Variants in MTMR9 observed in about 807,000 individuals in gnomAD.
MTMR9 encodes the protein myotubularin-related protein 9.
A neutral mutation model predicts 69.5 loss-of-function variants in MTMR9; 39 were observed. That is an observed-to-expected ratio of 0.56 (90% CI 0.43 to 0.73). The LOEUF (loss-of-function observed/expected upper bound fraction) is 0.73. Ranked by LOEUF, MTMR9 falls within the 30% of genes least tolerant of loss-of-function variation. The pLI, the probability that MTMR9 is intolerant of heterozygous loss-of-function variation, is 0.00. For missense variants in MTMR9, 900 were observed against 671.2 expected (o/e 1.34, Z -3.77); for synonymous variants, 354 against 240.8 (o/e 1.47, Z -4.35).
intron 2 of MTMR9, among the ~76,000 whole-genome samples, chr8:11,296,745 G>A (rs1178032386): frequency 1.3e-5 from 2 of 152,090 alleles, no homozygotes; most frequent in Non-Finnish European, 2.9e-5. Context: ...CATTGTTATG[G>A]ATGCATGTGG....
intron 1 of MTMR9, among the ~76,000 whole-genome samples, chr8:11,286,243 C>T (rs1457280961): frequency 6.6e-6 from 1 of 151,580 alleles, no homozygotes; most frequent in Non-Finnish European, 1.5e-5. Context: ...TGAGCCACTG[C>T]GCCTGGCCTA....
At chr8:11,288,974 A>G (rs1799286065) in intron 1 of MTMR9, among the ~76,000 whole-genome samples, 1 of 152,122 alleles carries the variant, frequency 6.6e-6, no homozygotes, top group African/African-American at 2.4e-5. Context: ...GGAGTTCGAC[A>G]CAGCCTGGCC....
intron 1 of MTMR9, among the ~76,000 whole-genome samples, chr8:11,286,931 G>C (rs1176277220): frequency 6.6e-6 from 1 of 152,008 alleles, no homozygotes; most frequent in African/African-American, 2.4e-5. Context: ...GGAATGCCTT[G>C]CCTCTCCCAA....
At chr8:11,298,338 T>G (rs2117380649) in intron 2 of MTMR9, among the ~76,000 whole-genome samples, 1 of 152,232 alleles carries the variant, frequency 6.6e-6, no homozygotes, top group Admixed American at 6.5e-5. Flanking sequence ...GTTCTGCTTC[T>G]GTTTGGTGTG....
At chr8:11,290,150 G>A (rs915626152) in intron 1 of MTMR9, among the ~76,000 whole-genome samples, 1 of 152,214 alleles carries the variant, frequency 6.6e-6, no homozygotes, top group South Asian at 2.1e-4. Context: ...TTTCCAGTCT[G>A]AAGATTGTGA....
intron 1 of MTMR9, among the ~76,000 whole-genome samples, chr8:11,289,180 A>G (rs1483706836): frequency 1.3e-5 from 2 of 152,144 alleles, no homozygotes; most frequent in Non-Finnish European, 2.9e-5. Context: ...CTCAAAACAA[A>G]CAAACAAACA....
rs1290975215 is a variant in MTMR9 at position 11,325,325 on chromosome 8, A to G, written c.*2537A>G. ...TGAAGTTCGTGCTTACCTGGATGAG[A>G]AGAATAAATGACACGGATACACTCC... On this transcript the variant is annotated 3_prime_UTR_variant, in exon 10 of 10. Coordinates refer to ENST00000221086, the MANE Select transcript of MTMR9 (RefSeq NM_015458.4). 1 of 152,230 alleles carries G rather than the reference A, an allele frequency of 6.6e-6. No individual in the cohort carries two copies. Among genetic ancestry groups the G allele is most frequent in the Non-Finnish European group, 1.5e-5 (1 of 68,038 alleles). The allele number at this position is 152,230 out of a possible 1,614,324, so 9.4% of individuals were successfully genotyped here.
intron 4 of MTMR9, 91 bp downstream of exon 4, chr8:11,305,105 A>T: frequency 8.1e-7 from 1 of 1,242,198 alleles, no homozygotes; most frequent in South Asian, 1.5e-5. Flanking sequence ...CTGTCTGTTC[A>T]CTGAAATGAT....
At chr8:11,296,971 G>C (rs1408396691) in intron 2 of MTMR9, among the ~76,000 whole-genome samples, 1 of 152,068 alleles carries the variant, frequency 6.6e-6, no homozygotes, top group African/African-American at 2.4e-5. Flanking sequence ...AGCTCATACT[G>C]TTTTCTTTCC....
chr8:11,285,164 C>G, intron 1 of MTMR9, 94 bp downstream of exon 1: 1 of 1,286,104 alleles, frequency 7.8e-7, no homozygotes, highest in Non-Finnish European at 1.0e-6. Context: ...CGCAGCCTGC[C>G]GCCCAGCTAG....
chr8:11,287,303 T>C (rs564437276), intron 1 of MTMR9, among the ~76,000 whole-genome samples: 2 of 152,216 alleles, frequency 1.3e-5, no homozygotes, highest in African/African-American at 4.8e-5. Flanking sequence ...ATTTACCTTT[T>C]ATGGTGGTTA....
chr8:11,331,932 A>G (rs55792656), downstream of MTMR9: 1 of 1,612,000 alleles, frequency 6.2e-7, no homozygotes, highest in South Asian at 1.1e-5. Context: ...TGCGGTCACC[A>G]AGGCCCACCC....
chr8:11,305,641 C>T (rs1799910629), intron 4 of MTMR9, among the ~76,000 whole-genome samples: 1 of 152,126 alleles, frequency 6.6e-6, no homozygotes, highest in South Asian at 2.1e-4. Flanking sequence ...TTTTTAGAAA[C>T]AAGTAGTTAA....
intron 5 of MTMR9, among the ~76,000 whole-genome samples, chr8:11,308,247 T>C (rs2117416124): frequency 6.6e-6 from 1 of 152,356 alleles, no homozygotes; most frequent in Middle Eastern, 3.4e-3. Flanking sequence ...TTGAGTTTCT[T>C]CTGCATGTGC....
intron 1 of MTMR9, among the ~76,000 whole-genome samples, chr8:11,285,539 TCA>T (rs1470190015): frequency 6.6e-6 from 1 of 152,198 alleles, no homozygotes; most frequent in Non-Finnish European, 1.5e-5. Flanking sequence ...TGAAAAATGT[TCA>T]GTGTATCATA....
the MTMR9 span, among the ~76,000 whole-genome samples, chr8:11,338,576 T>C: frequency 6.6e-6 from 1 of 152,206 alleles, no homozygotes. Flanking sequence ...GGGAACCTTT[T>C]CCACAGCGAT....
the MTMR9 span, among the ~76,000 whole-genome samples, chr8:11,333,979 T>A: frequency 6.6e-6 from 1 of 152,228 alleles, no homozygotes. Flanking sequence ...TTAGTTATCA[T>A]GGAAGTGGGT....
At chr8:11,298,866 T>A in intron 2 of MTMR9, 1 of 985,304 alleles carries the variant, frequency 1.0e-6, no homozygotes, top group African/African-American at 1.7e-5. Flanking sequence ...AGGATTCAAG[T>A]GCTCCAGGTA....
downstream of MTMR9, chr8:11,331,764 C>T: frequency 6.2e-7 from 1 of 1,611,918 alleles, no homozygotes. Context: ...CTCCTGCCTC[C>T]CAACAGTGGC....
Sources: gnomAD v4.1 joint callset for allele counts (sites outside exome capture counted in the v4.1 genomes callset) on GRCh38, gnomAD v4.1.1 for gene constraint, MANE v1.5 for transcripts, NCBI Gene and HGNC (gene_info 2026-07-23, HGNC 2026-07-21) for gene names.